Variants in PCNX1 observed in about 807,000 individuals in gnomAD.
PCNX1 encodes the protein pecanex 1, also known as pecanex-like protein 1.
In PCNX1, 78 loss-of-function variants were observed where a neutral mutation model predicts 242.2. That is an observed-to-expected ratio of 0.32 (90% CI 0.27 to 0.39). The LOEUF is 0.39. Ranked by LOEUF, PCNX1 falls within the 10% of genes least tolerant of loss-of-function variation. PCNX1 has a pLI of 1.00. For synonymous variants in PCNX1, 1,024 were observed against 1,032.9 expected, an observed-to-expected ratio of 0.99 and a Z score of 0.17; for missense variants, 2,581 against 2,856.5, an observed-to-expected ratio of 0.90 and a Z score of 2.20.
chr14:70,970,512 A>G (rs61988737), intron 5 of PCNX1, among the ~76,000 whole-genome samples: 2,167 of 152,334 alleles, frequency 0.014, 24 homozygotes, highest in Middle Eastern at 0.034. Context: ...TTTAGGGATT[A>G]TATATCTTAT....
intron 22 of PCNX1, among the ~76,000 whole-genome samples, chr14:71,048,227 A>G (rs1295042744): frequency 6.6e-6 from 1 of 152,168 alleles, no homozygotes; most frequent in Non-Finnish European, 1.5e-5. Context: ...AGAAACATTA[A>G]TAAGTATATT....
At chr14:70,969,400 G>C in intron 5 of PCNX1, 1 of 283,480 alleles carries the variant, frequency 3.5e-6, no homozygotes, top group Non-Finnish European at 6.7e-6. Context: ...TATTCTTTTA[G>C]TTGGTCAGAC....
At chr14:71,108,545 CA>C in intron 33 of PCNX1, 58 bp from the exon 34 acceptor site, 1 of 1,355,988 alleles carries the variant, frequency 7.4e-7, no homozygotes. Flanking sequence ...AACTGCAAAA[CA>C]GAAGTATTGT....
chr14:70,994,396 G>GATATATGTGTATATATATATATATAT (rs1371763584), intron 7 of PCNX1, among the ~76,000 whole-genome samples: 1 of 96,970 alleles, frequency 1.0e-5, no homozygotes, highest in African/African-American at 3.8e-5. Flanking sequence ...ACAGGCTTAA[G>GATATATGTGTATATATATATATATAT]ATATATATAT....
At chr14:70,976,517 C>T (rs983065985) in intron 5 of PCNX1, among the ~76,000 whole-genome samples, 6 of 151,846 alleles carry the variant, frequency 4.0e-5, no homozygotes, top group Non-Finnish European at 8.8e-5. Flanking sequence ...GGACTACAGG[C>T]GCTCGCCACC....
chr14:71,104,956 TTA>T (rs2062570113), intron 32 of PCNX1, among the ~76,000 whole-genome samples: 1 of 152,200 alleles, frequency 6.6e-6, no homozygotes, highest in Admixed American at 6.5e-5. Flanking sequence ...AGCTGTGATC[TTA>T]ATGGTACAAC....
rs531498208 is a variant in PCNX1 at position 70,939,830 on chromosome 14, G to A, written c.154-7085G>A. On this transcript the variant is annotated intron_variant, in intron 1 of 35. Transcript: ENST00000304743. ...GGGTGCTCCTGTATTGGGTGCATATGTATTTAGGATAGTTAGCTCTTCTTG... is the reference window on the plus strand; with the variant it reads ...GGGTGCTCCTGTATTGGGTGCATATATATTTAGGATAGTTAGCTCTTCTTG... Among the ~76,000 whole-genome samples the A allele has an allele frequency of 9.2e-5, 14 of 152,286 alleles. No individual in the cohort carries two copies. In the South Asian group the frequency reaches 2.1e-3, roughly 23 times the overall value.
At chr14:70,969,289 A>G in intron 5 of PCNX1, 179 bp downstream of exon 5, 2 of 529,384 alleles carry the variant, frequency 3.8e-6, no homozygotes, top group Non-Finnish European at 6.8e-6. Flanking sequence ...CTTTTAGCTT[A>G]CTTGAACTCA....
chr14:70,999,126 T>C (rs1290185311), intron 8 of PCNX1, among the ~76,000 whole-genome samples: 1 of 152,210 alleles, frequency 6.6e-6, no homozygotes, highest in African/African-American at 2.4e-5. Flanking sequence ...CAGGTAGCCT[T>C]AAAGTTCTGT....
chr14:71,098,545 TGTGTGTGTGA>T (rs2062366498), intron 30 of PCNX1, among the ~76,000 whole-genome samples: 1 of 98,108 alleles, frequency 1.0e-5, no homozygotes, highest in African/African-American at 3.9e-5. Flanking sequence ...TGTGTGTGTG[TGTGTGTGTGA>T]GAGAGAGAGA....
intron 30 of PCNX1, among the ~76,000 whole-genome samples, chr14:71,092,083 T>G (rs1445362902): frequency 1.3e-5 from 2 of 152,176 alleles, no homozygotes; most frequent in Non-Finnish European, 2.9e-5. Context: ...AGAAAAGTCA[T>G]GACATTAAAA....
At chr14:71,050,832 G>T in intron 23 of PCNX1, 72 bp downstream of exon 23, 1 of 1,352,354 alleles carries the variant, frequency 7.4e-7, no homozygotes, top group East Asian at 2.3e-5. Context: ...TTATAGGCAT[G>T]ACCTTTCATG....
intron 28 of PCNX1, chr14:71,078,826 C>G (rs761934280): frequency 6.6e-6 from 1 of 151,854 alleles, no homozygotes; most frequent in African/African-American, 2.4e-5. Context: ...ATATGATGTG[C>G]CTTAGTGTAG....
chr14:70,922,411 G>A (rs189107672), intron 1 of PCNX1, among the ~76,000 whole-genome samples: 1 of 151,842 alleles, frequency 6.6e-6, no homozygotes, highest in Admixed American at 6.6e-5. Flanking sequence ...CCTTTAATAG[G>A]GGAGAATTTT....
intron 26 of PCNX1, among the ~76,000 whole-genome samples, chr14:71,065,876 T>TAA (rs1219768498): frequency 2.0e-5 from 3 of 152,222 alleles, no homozygotes; most frequent in Non-Finnish European, 4.4e-5. Flanking sequence ...AGGGAGTCCT[T>TAA]TCCCCATTGC....
chr14:71,082,755 A>G (rs993474444), intron 28 of PCNX1, among the ~76,000 whole-genome samples: 2 of 152,016 alleles, frequency 1.3e-5, no homozygotes, highest in Non-Finnish European at 2.9e-5. Context: ...TGCACATGAG[A>G]TGGATCTCCT....
intron 26 of PCNX1, among the ~76,000 whole-genome samples, chr14:71,070,408 C>G (rs145934704): frequency 2.0e-5 from 3 of 152,224 alleles, no homozygotes; most frequent in Non-Finnish European, 2.9e-5. Flanking sequence ...TGCCCAGACT[C>G]ATCAGAGGAA....
intron 2 of PCNX1, among the ~76,000 whole-genome samples, chr14:70,947,844 T>C (rs1408290832): frequency 6.6e-6 from 1 of 152,302 alleles, no homozygotes; most frequent in South Asian, 2.1e-4. Flanking sequence ...GAAATATCGC[T>C]GAATTCTTTT....
intron 19 of PCNX1, among the ~76,000 whole-genome samples, chr14:71,042,168 T>C (rs1462944114): frequency 1.3e-5 from 2 of 152,184 alleles, no homozygotes; most frequent in Non-Finnish European, 1.5e-5. Context: ...TTGGATGACA[T>C]AAATGTCTGC....
Sources: gnomAD v4.1 joint callset for allele counts (sites outside exome capture counted in the v4.1 genomes callset) on GRCh38, gnomAD v4.1.1 for gene constraint, MANE v1.5 for transcripts, NCBI Gene and HGNC (gene_info 2026-07-23, HGNC 2026-07-21) for gene names.